The following VPS53 variants were observed in gnomAD, a reference collection of about 807,000 sequenced individuals.
VPS53 encodes the protein VPS53 subunit of GARP complex.
Under a neutral mutation model 107.0 loss-of-function variants are expected in VPS53, and 70 were observed. That is an observed-to-expected ratio of 0.65 (90% CI 0.54 to 0.80). The LOEUF is 0.80. VPS53 is among the 30% of genes least tolerant of loss of function. The pLI, the probability that VPS53 is intolerant of heterozygous loss-of-function variation, is 0.00. For missense variants in VPS53, 917 were observed against 1,049.4 expected (o/e 0.87, Z 1.74); for synonymous variants, 409 against 393.3 (o/e 1.04, Z -0.47).
chr17:592,292 G>A (rs576723186), intron 12 of VPS53, among the ~76,000 whole-genome samples: 9 of 152,096 alleles, frequency 5.9e-5, no homozygotes, highest in Admixed American at 3.3e-4. Context: ...GTCTCTGCCC[G>A]TGAGATGGGT....
At chr17:658,153 C>T (rs1181716559) in intron 5 of VPS53, among the ~76,000 whole-genome samples, 2 of 147,648 alleles carry the variant, frequency 1.4e-5, no homozygotes, top group African/African-American at 2.5e-5. Context: ...GCAGGGAGTT[C>T]GTGGATAGTT....
rs573253075 is a variant in VPS53 at position 517,335 on chromosome 17, T to C, written c.*1793A>G. 64 of 397,920 alleles carry C rather than the reference T, an allele frequency of 1.6e-4. No individual in the cohort carries two copies. Among genetic ancestry groups the C allele is most frequent in the African/African-American group, 1.3e-3 (61 of 48,666 alleles). The allele number at this position is 397,920 out of a possible 1,614,324, so 24.6% of individuals were successfully genotyped here. A position where few individuals can be genotyped will look rare whatever the true frequency, so the allele number is the denominator to read the frequency against. On this transcript the variant is annotated 3_prime_UTR_variant, in exon 22 of 22. Coordinates refer to ENST00000437048, the MANE Select transcript of VPS53 (RefSeq NM_001128159.3). ...GACAGCCTGGAAGCCGATGAAGAAA[T>C]GACACTCAGGATCAGAGCTGGACGG...
intron 18 of VPS53, among the ~76,000 whole-genome samples, chr17:534,400 G>GAAA (rs1233772627): frequency 2.0e-5 from 3 of 152,156 alleles, no homozygotes; most frequent in Non-Finnish European, 4.4e-5. Flanking sequence ...AAACATCTAT[G>GAAA]GTTTTGCAGG....
intron 18 of VPS53, among the ~76,000 whole-genome samples, chr17:533,617 A>G (rs1335768097): frequency 2.0e-5 from 3 of 152,160 alleles, no homozygotes; most frequent in Non-Finnish European, 4.4e-5. Context: ...GCGTCTCTAG[A>G]AAGCCTTTCT....
chr17:579,486 C>G (rs1014220326), intron 13 of VPS53, among the ~76,000 whole-genome samples: 1 of 151,600 alleles, frequency 6.6e-6, no homozygotes, highest in Non-Finnish European at 1.5e-5. Context: ...CCCTCAGAAC[C>G]TCAGTGCGTT....
At chr17:662,771 AAG>A (rs771841747) in intron 4 of VPS53, among the ~76,000 whole-genome samples, 1,666 of 83,686 alleles carry the variant, frequency 0.02, 11 homozygotes, top group Non-Finnish European at 0.026. Context: ...GAAAGAAAGA[AAG>A]AGAAAGAAAG....
intron 17 of VPS53, among the ~76,000 whole-genome samples, chr17:551,262 A>T (rs1240906775): frequency 6.6e-6 from 1 of 152,168 alleles, no homozygotes; most frequent in African/African-American, 2.4e-5. Flanking sequence ...GGTAGCGCTC[A>T]GTAATTAAAA....
intron 4 of VPS53, among the ~76,000 whole-genome samples, chr17:678,957 A>G (rs993159895): frequency 5.3e-5 from 8 of 152,132 alleles, no homozygotes; most frequent in African/African-American, 1.9e-4. Context: ...ATTCATTTTT[A>G]ACACTCAGGA....
Position 571,485 on chromosome 17 carries a change from C to T in VPS53, c.1314-8740G>A, listed in dbSNP as rs2031355694. Among the ~76,000 whole-genome samples the T allele has an allele frequency of 3.0e-5, 4 of 131,942 alleles. No individual in the cohort carries two copies. In the Admixed American group the frequency reaches 3.1e-4, roughly 10 times the overall value. The allele number at this position is 131,942 out of a possible 152,430, so 86.6% of individuals were successfully genotyped here. The stretch of plus-strand genomic sequence containing the variant: ...AACAATGGGCTCTCCCTCTCCCTCT[C>T]CTTCTCCCTCTCCCTCTCCCTACAG... On this transcript the variant is annotated intron_variant, in intron 13 of 21. Coordinates refer to ENST00000437048, the MANE Select transcript of VPS53 (RefSeq NM_001128159.3).
Position 512,829 on chromosome 17 carries a change from T to C in VPS53, c.*6299A>G, listed in dbSNP as rs1201019119. 1.3e-5 allele frequency: 2 copies of C among 151,900 alleles called. No homozygotes were observed. The highest frequency in any genetic ancestry group is 2.9e-5 in the Non-Finnish European group (2 of 68,008). The allele number at this position is 151,900 out of a possible 1,614,324, so 9.4% of individuals were successfully genotyped here. Reference sequence around the variant, plus strand: ...AGGACACAAGACTTCCCAAAGAGTTTTCATGGCAAAACGTCCATCCAGCTA... The same window carrying C: ...AGGACACAAGACTTCCCAAAGAGTTCTCATGGCAAAACGTCCATCCAGCTA... On this transcript the variant is annotated 3_prime_UTR_variant, in exon 22 of 22. Transcript: ENST00000437048.
At chr17:640,437 G>A (rs1364674735) in intron 7 of VPS53, among the ~76,000 whole-genome samples, 1 of 152,122 alleles carries the variant, frequency 6.6e-6, no homozygotes, top group East Asian at 1.9e-4. Context: ...GCCCCAATGA[G>A]ATGAACCTGG....
At chr17:686,249 G>T (rs1191509399) in intron 4 of VPS53, among the ~76,000 whole-genome samples, 1 of 152,036 alleles carries the variant, frequency 6.6e-6, no homozygotes, top group Non-Finnish European at 1.5e-5. Context: ...GAGCCCAGGA[G>T]TTCAAGGCTA....
At chr17:554,256 C>T (rs547877895) in intron 15 of VPS53, among the ~76,000 whole-genome samples, 42 of 152,230 alleles carry the variant, frequency 2.8e-4, no homozygotes, top group East Asian at 5.8e-4. Flanking sequence ...CATCATCAGC[C>T]GACAGCCGGG....
chr17:672,720 TGA>T (rs987463060), intron 4 of VPS53, among the ~76,000 whole-genome samples: 1 of 152,214 alleles, frequency 6.6e-6, no homozygotes, highest in Non-Finnish European at 1.5e-5. Flanking sequence ...TGCTAGATAC[TGA>T]GAGAAAAAGA....
At chr17:635,909 A>G (rs1338822339) in intron 7 of VPS53, among the ~76,000 whole-genome samples, 2 of 152,190 alleles carry the variant, frequency 1.3e-5, no homozygotes, top group Non-Finnish European at 2.9e-5. Context: ...TGAACTTTAA[A>G]GTAGTTTTTT....
intron 13 of VPS53, among the ~76,000 whole-genome samples, chr17:572,415 G>T (rs1262695667): frequency 2.7e-5 from 4 of 150,040 alleles, no homozygotes; most frequent in Non-Finnish European, 5.9e-5. Context: ...GGGAGGTGGG[G>T]GGGTCAGCCC....
intron 19 of VPS53, among the ~76,000 whole-genome samples, chr17:527,739 G>A (rs1909229440): frequency 1.3e-5 from 2 of 152,038 alleles, no homozygotes; most frequent in African/African-American, 2.4e-5. Context: ...TCAGCTTCCC[G>A]AGTGGCTAGG....
chr17:573,201 G>C (rs960487223), intron 13 of VPS53, among the ~76,000 whole-genome samples: 2 of 152,196 alleles, frequency 1.3e-5, no homozygotes, highest in African/African-American at 4.8e-5. Flanking sequence ...GCCATAGAAT[G>C]GGGTAAAGAA....
At chr17:710,498 C>A in intron 2 of VPS53, 35 bp downstream of exon 2, 1 of 1,551,120 alleles carries the variant, frequency 6.4e-7, no homozygotes, top group Non-Finnish European at 8.9e-7. Flanking sequence ...GTGCCAAAAG[C>A]TGCTGAAAGG....
Sources: gnomAD v4.1 joint callset for allele counts (sites outside exome capture counted in the v4.1 genomes callset) on GRCh38, gnomAD v4.1.1 for gene constraint, MANE v1.5 for transcripts, NCBI Gene and HGNC (gene_info 2026-07-23, HGNC 2026-07-21) for gene names.